Variants in ATP13A4 observed in about 807,000 individuals in gnomAD.
The protein encoded by ATP13A4 is ATPase 13A4, also known as probable cation-transporting ATPase 13A4.
In ATP13A4, 114 loss-of-function variants were observed where a neutral mutation model predicts 142.5. The ratio of observed to expected loss-of-function variants is 0.80; its 90% CI spans 0.69 to 0.93. The LOEUF (loss-of-function observed/expected upper bound fraction) is 0.93, where lower values mean the gene tolerates loss of function less well. Ranked by LOEUF, ATP13A4 falls within the 40% of genes least tolerant of loss-of-function variation. The pLI, the probability that ATP13A4 is intolerant of heterozygous loss-of-function variation, is 0.00. For synonymous variants in ATP13A4, 488 were observed against 514.8 expected (o/e 0.95, Z 0.70); for missense variants, 1,392 against 1,454.0 (o/e 0.96, Z 0.69).
intron 17 of ATP13A4, among the ~76,000 whole-genome samples, chr3:193,451,973 C>T (rs1263118833): frequency 1.3e-5 from 2 of 152,082 alleles, no homozygotes; most frequent in African/African-American, 4.8e-5. Flanking sequence ...TGTGTTTAGA[C>T]CATACAAGAT....
intron 1 of ATP13A4, among the ~76,000 whole-genome samples, chr3:193,519,620 T>A (rs1194605014): frequency 6.8e-6 from 1 of 146,566 alleles, no homozygotes; most frequent in Non-Finnish European, 1.5e-5. Flanking sequence ...CAATTTGCAA[T>A]TTGTAATTTT....
chr3:193,561,613 A>T (rs1185358691), intron 2 of ATP13A4, among the ~76,000 whole-genome samples: 1 of 152,174 alleles, frequency 6.6e-6, no homozygotes, highest in Non-Finnish European at 1.5e-5. Context: ...TACTAATGGA[A>T]AAAGGAAAGT....
chr3:193,553,664 C>T (rs1723720513), intron 1 of ATP13A4: 1 of 152,180 alleles, frequency 6.6e-6, no homozygotes, highest in Admixed American at 6.5e-5. Flanking sequence ...TTAAGAAAGG[C>T]ACCTGAATTA....
intron 1 of ATP13A4, among the ~76,000 whole-genome samples, chr3:193,549,705 G>A (rs989682480): frequency 2.6e-5 from 4 of 152,090 alleles, no homozygotes; most frequent in African/African-American, 9.6e-5. Flanking sequence ...GGTGGCATGC[G>A]CCCGTGGTCC....
chr3:193,402,443 T>C lies in ATP13A4; in HGVS notation c.*209A>G. ...CCTTCACTGAATGCCTCTAATACCT[T>C]CAGAAGCCAAGAGGAAAGCACTCTT... is the stretch of plus-strand genomic sequence containing the variant. On this transcript the variant is annotated 3_prime_UTR_variant, in exon 30 of 30. Transcript: ENST00000342695. The C allele has an allele frequency of 1.8e-6, 1 of 550,594 alleles. No individual in the cohort carries two copies. The highest frequency in any genetic ancestry group is 3.2e-6 in the Non-Finnish European group (1 of 307,820). The allele number at this position is 550,594 out of a possible 1,614,324, so 34.1% of individuals were successfully genotyped here.
At chr3:193,491,260 G>C in intron 6 of ATP13A4, 69 bp downstream of exon 6, 1 of 1,195,688 alleles carries the variant, frequency 8.4e-7, no homozygotes, top group Non-Finnish European at 1.2e-6. Flanking sequence ...TAGCACTCCT[G>C]ATTATTTCAC....
intron 1 of ATP13A4, among the ~76,000 whole-genome samples, chr3:193,531,316 A>AAGGAAGGAAGGAAGGAAGGAAGGG (rs1722315249): frequency 3.3e-5 from 3 of 90,862 alleles, no homozygotes; most frequent in Non-Finnish European, 2.5e-5. Flanking sequence ...GGAAGGAAGG[A>AAGGAAGGAAGGAAGGAAGGAAGGG]AGGAAGGAAG....
At chr3:193,540,185 G>A (rs948559532) in intron 1 of ATP13A4, among the ~76,000 whole-genome samples, 10 of 151,926 alleles carry the variant, frequency 6.6e-5, no homozygotes, top group African/African-American at 2.4e-4. Context: ...ATGAAGCCCC[G>A]CAGTTTGCTG....
intron 9 of ATP13A4, among the ~76,000 whole-genome samples, chr3:193,468,841 T>C (rs114597238): frequency 1.9e-3 from 286 of 152,348 alleles, no homozygotes; most frequent in Non-Finnish European, 3.2e-3. Context: ...ACAATGACTT[T>C]CTAGTTCTGA....
At position 193,489,793 on chromosome 3, in the gene ATP13A4, A is replaced by G; in HGVS notation, c.675T>C (p.Tyr225=). The G allele has an allele frequency of 6.2e-7, 1 of 1,610,328 alleles. No individual in the cohort carries two copies. The change falls in exon 7 of 30, where the codon TAT becomes TAC. Residue 225 remains tyrosine (Y), a synonymous_variant. Coordinates refer to ENST00000342695, the MANE Select transcript of ATP13A4 (RefSeq NM_032279.4). ...CLWFSEDYKE[Y]AFAIIIMSII... ...TGGACATGATTATGATGGCAAAAGC[A>G]TATTCCTTATAGTCTTCACTAAACC...
Position 193,413,993 on chromosome 3 carries a change from T to A in ATP13A4, c.3014+586A>T, listed in dbSNP as rs182355740. Among the ~76,000 whole-genome samples the A allele has an allele frequency of 5.8e-3, 880 of 152,244 alleles. 5 individuals carry two copies. The highest frequency in any genetic ancestry group is 0.031 in the Middle Eastern group (9 of 294). The stretch of plus-strand genomic sequence containing the variant: ...AATAAAAACCTGCTGTTTTTGCAGC[T>A]CAGATGGGCATCACGGTCCTACCGA... On this transcript the variant is annotated intron_variant, in intron 26 of 29. Coordinates refer to ENST00000342695, the MANE Select transcript of ATP13A4 (RefSeq NM_032279.4).
At chr3:193,497,317 A>G (rs1720298426) in intron 3 of ATP13A4, among the ~76,000 whole-genome samples, 1 of 152,208 alleles carries the variant, frequency 6.6e-6, no homozygotes, top group Non-Finnish European at 1.5e-5. Context: ...AAATGAAAAC[A>G]TGCTCAACAT....
At chr3:193,466,988 G>A (rs529881125) in intron 10 of ATP13A4, among the ~76,000 whole-genome samples, 1 of 152,002 alleles carries the variant, frequency 6.6e-6, no homozygotes, top group South Asian at 2.1e-4. Context: ...TAGTACAAAG[G>A]GTGACTATAG....
chr3:193,477,883 A>G (rs913651574), intron 8 of ATP13A4, among the ~76,000 whole-genome samples: 2 of 152,052 alleles, frequency 1.3e-5, no homozygotes, highest in Admixed American at 6.5e-5. Flanking sequence ...CCATGATGGA[A>G]CTACTAGCAA....
intron 24 of ATP13A4, 45 bp from the exon 25 acceptor site, chr3:193,433,962 G>T: frequency 7.4e-7 from 1 of 1,359,082 alleles, no homozygotes; most frequent in Non-Finnish European, 1.1e-6. Context: ...TGACCTTCTG[G>T]ATGAAATTAG....
chr3:193,521,350 C>T, intron 1 of ATP13A4, among the ~76,000 whole-genome samples: 1 of 152,110 alleles, frequency 6.6e-6, no homozygotes, highest in Middle Eastern at 3.2e-3. Context: ...TAATAATTTG[C>T]AATTGACTTG....
chr3:193,477,151 A>T (rs949681030), intron 8 of ATP13A4, among the ~76,000 whole-genome samples: 12 of 152,120 alleles, frequency 7.9e-5, no homozygotes, highest in Non-Finnish European at 1.5e-5. Context: ...TCTACACAGT[A>T]CTTGATTCTA....
chr3:193,458,626 A>C (rs1237544143), intron 14 of ATP13A4: 3 of 184,650 alleles, frequency 1.6e-5, no homozygotes, highest in Non-Finnish European at 3.4e-5. Flanking sequence ...TTGGAAATAA[A>C]ATCAATATGA....
intron 2 of ATP13A4, among the ~76,000 whole-genome samples, chr3:193,509,140 T>G (rs1721011883): frequency 6.6e-6 from 1 of 152,166 alleles, no homozygotes. Flanking sequence ...CCATATTCCC[T>G]CCACCTGCAT....
Sources: allele counts gnomAD v4.1 joint callset (sites outside exome capture counted in the v4.1 genomes callset), GRCh38; gene constraint gnomAD v4.1.1; transcripts MANE v1.5; gene names NCBI Gene and HGNC (gene_info 2026-07-23, HGNC 2026-07-21).